Variants in RGL3 observed in about 807,000 individuals in gnomAD.
RGL3 encodes ral guanine nucleotide dissociation stimulator-like 3.
A neutral mutation model predicts 90.6 loss-of-function variants in RGL3; 85 were observed. The ratio of observed to expected loss-of-function variants is 0.94; its 90% CI spans 0.79 to 1.12. The LOEUF is 1.12. Ranked by LOEUF, RGL3 falls within the 50% of genes most tolerant of loss-of-function variation. The probability of loss-of-function intolerance (pLI) is 0.00; values close to 1 mark genes in which losing one functional copy is unlikely to be tolerated. For missense variants in RGL3, 1,034 were observed against 939.2 expected (o/e 1.10, Z -1.32); for synonymous variants, 408 against 385.5 (o/e 1.06, Z -0.68).
chr19:11,403,734 A>G (rs1453465241), intron 9 of RGL3, among the ~76,000 whole-genome samples: 1 of 151,300 alleles, frequency 6.6e-6, no homozygotes, highest in Non-Finnish European at 1.5e-5. Flanking sequence ...GATAAACAGC[A>G]GGGAGCAGGC....
intron 5 of RGL3, among the ~76,000 whole-genome samples, chr19:11,414,523 A>ACC (rs1968958306): frequency 2.5e-5 from 3 of 119,422 alleles, no homozygotes; most frequent in East Asian, 4.9e-4. Flanking sequence ...ATATATATAT[A>ACC]TATATACCTT....
Position 11,416,168 on chromosome 19 carries a change from C to G in RGL3, c.426-20G>C. On this transcript the variant is annotated intron_variant, in intron 4 of 18. Coordinates refer to ENST00000380456, the MANE Select transcript of RGL3 (RefSeq NM_001035223.4). ...ACAGCCCTGGCCAGAGAGGCAGGGT[C>G]TCAGAGCTGGGTCCAGAGTGGGGGA... 6.7e-7 allele frequency: 1 copy of G among 1,495,776 alleles called. No individual in the cohort carries two copies. The highest frequency in any genetic ancestry group is 8.9e-7 in the Non-Finnish European group (1 of 1,119,988). The allele number at this position is 1,495,776 out of a possible 1,614,324, so 92.7% of individuals were successfully genotyped here.
chr19:11,402,522 A>G lies in RGL3; in HGVS notation c.1262T>C (p.Val421Ala), dbSNP rs559094730. 368 of 1,605,652 alleles carry G rather than the reference A, an allele frequency of 2.3e-4. 4 individuals carry two copies. The South Asian group carries it at 3.9e-3, about 17-fold the overall frequency. ...CGTAAGGAAGGTGCCAAGGTAGGGGACAGGGCCTGGGGGTGGTTTCTGCAG... is the reference window on the plus strand; with the variant it reads ...CGTAAGGAAGGTGCCAAGGTAGGGGGCAGGGCCTGGGGGTGGTTTCTGCAG... ...SLPSKPPPGPVPYLGTFLTDL... is the reference protein window; with the variant it reads ...SLPSKPPPGPAPYLGTFLTDL... Residue 421 changes from valine (V) to alanine (A), a missense_variant, in exon 11 of 19, where the codon GTC becomes GCC. Physicochemically the swap from Val to Ala is moderately conservative, Grantham distance 64 (BLOSUM62 0). Coordinates refer to ENST00000380456, the MANE Select transcript of RGL3 (RefSeq NM_001035223.4).
intron 18 of RGL3, among the ~76,000 whole-genome samples, chr19:11,396,001 C>T (rs772130575): frequency 3.4e-5 from 5 of 147,894 alleles, no homozygotes; most frequent in African/African-American, 7.5e-5. Context: ...GATCTCAGCT[C>T]GCTGCAGCCT....
chr19:11,415,506 G>A (rs77279095), intron 5 of RGL3, among the ~76,000 whole-genome samples: 6,274 of 151,824 alleles, frequency 0.041, 144 homozygotes, highest in African/African-American at 0.044. Context: ...ACGGAGTTTC[G>A]CTCTGGTTGT....
chr19:11,399,946 G>T lies in RGL3; in HGVS notation c.1655C>A (p.Ser552Tyr). Reference sequence around the variant, plus strand: ...AGGACTTGAGGGGGGTGACCCTGGGGACACACTGGGGGAGATGCAGAGGCT... The same window carrying T: ...AGGACTTGAGGGGGGTGACCCTGGGTACACACTGGGGGAGATGCAGAGGCT... Reference protein sequence around the residue: ...GDPSSPTSSVSPGSPPSSPRS... With the variant: ...GDPSSPTSSVYPGSPPSSPRS... The change falls in exon 16 of 19, where the codon TCC (serine) becomes TAC (tyrosine). Residue 552 changes from serine to tyrosine, a missense_variant. Transcript: ENST00000380456. 1 of 1,553,130 alleles carries T rather than the reference G, an allele frequency of 6.4e-7. No individual in the cohort carries two copies. Among genetic ancestry groups the T allele is most frequent in the Non-Finnish European group, 8.6e-7 (1 of 1,156,496 alleles).
chr19:11,406,387 C>A (rs555306828), intron 7 of RGL3, 32 bp downstream of exon 7: 1 of 1,516,182 alleles, frequency 6.6e-7, no homozygotes. Flanking sequence ...CAGGGCCCGC[C>A]CCCGCATCCC....
chr19:11,399,903 A>T lies in RGL3; in HGVS notation c.1698T>A (p.Pro566=). The T allele has an allele frequency of 6.6e-7, 1 of 1,526,148 alleles. No homozygotes were observed. Among genetic ancestry groups the T allele is most frequent in the South Asian group, 1.3e-5 (1 of 77,998 alleles). 94.5% of individuals were successfully genotyped at this position (1,526,148 alleles called of 1,614,324 possible). The change falls in exon 16 of 19, where the codon CCT becomes CCA. Residue 566 remains proline (P), a synonymous_variant. Coordinates refer to ENST00000380456, the MANE Select transcript of RGL3 (RefSeq NM_001035223.4). ...CTGGAGAGGCCGGGGGACTGCCAGC[A>T]GGAGCATCTCTGCTTCTAGGACTTG... ...PPSSPRSRDA[P]AGSPPASPGP...
At chr19:11,414,474 TA>T (rs1275703780) in intron 5 of RGL3, among the ~76,000 whole-genome samples, 1 of 99,460 alleles carries the variant, frequency 1.0e-5, no homozygotes, top group Non-Finnish European at 1.8e-5. Flanking sequence ...CATATATATA[TA>T]TATATATACA....
chr19:11,418,954 G>C, intron 1 of RGL3, 170 bp from the exon 2 acceptor site: 1 of 629,848 alleles, frequency 1.6e-6, no homozygotes, highest in South Asian at 2.0e-5. Context: ...TCCTCGCTGC[G>C]GGTCCCCTCC....
At chr19:11,401,446 A>C (rs899397754) in intron 13 of RGL3, among the ~76,000 whole-genome samples, 2 of 142,676 alleles carry the variant, frequency 1.4e-5, no homozygotes, top group Non-Finnish European at 3.0e-5. Context: ...CCCAGGCTGG[A>C]GTGCAGTGGC....
chr19:11,406,622 T>G lies in RGL3; in HGVS notation c.793A>C (p.Lys265Gln). Residue 265 changes from lysine to glutamine, a missense_variant, in exon 7 of 19, where the codon AAG (lysine) becomes CAG (glutamine). Coordinates refer to ENST00000380456, the MANE Select transcript of RGL3 (RefSeq NM_001035223.4). ...CCCAAGCACTCGTAGAGCCTCACCT[T>G]GGAGAAGAGCTCCTGGGCCAGGGGA... The part of the protein sequence containing the change: ...LTLIDLELFS[K>Q]VRLYECLGSV... 6.4e-7 allele frequency: 1 copy of G among 1,559,444 alleles called. No individual in the cohort carries two copies. Among genetic ancestry groups the G allele is most frequent in the Non-Finnish European group, 8.7e-7 (1 of 1,151,562 alleles).
Position 11,405,243 on chromosome 19 carries a change from G to C in RGL3, c.1101-12C>G, listed in dbSNP as rs781743355. 33 of 1,613,886 alleles carry C rather than the reference G, an allele frequency of 2.0e-5. No individual in the cohort carries two copies. Among genetic ancestry groups the C allele is most frequent in the Middle Eastern group, 3.3e-4 (2 of 6,062 alleles). ...TAGATAGCGGTTCCCTGGAAGGACAGGAGAAGGGTGGTCAGGGGTCAGTGG... is the reference window on the plus strand; with the variant it reads ...TAGATAGCGGTTCCCTGGAAGGACACGAGAAGGGTGGTCAGGGGTCAGTGG... On this transcript the variant is annotated splice_polypyrimidine_tract_variant and intron_variant, in intron 8 of 18. Coordinates refer to ENST00000380456, the MANE Select transcript of RGL3 (RefSeq NM_001035223.4).
chr19:11,410,964 T>C (rs1968864183), intron 5 of RGL3, among the ~76,000 whole-genome samples: 1 of 151,998 alleles, frequency 6.6e-6, no homozygotes, highest in African/African-American at 2.4e-5. Flanking sequence ...ATCCCGACAC[T>C]TCGGGAGGCC....
intron 9 of RGL3, among the ~76,000 whole-genome samples, chr19:11,404,046 C>G (rs1968726777): frequency 6.6e-6 from 1 of 152,120 alleles, no homozygotes; most frequent in African/African-American, 2.4e-5. Context: ...AAACGCCCAG[C>G]TAATTGTTGT....
chr19:11,410,147 T>A (rs866267107), intron 5 of RGL3, among the ~76,000 whole-genome samples: 1 of 149,654 alleles, frequency 6.7e-6, no homozygotes, highest in Non-Finnish European at 1.5e-5. Context: ...TTATTTATTT[T>A]TTATTTTATT....
intron 7 of RGL3, 31 bp from the exon 8 acceptor site, chr19:11,405,457 C>T: frequency 2.2e-6 from 3 of 1,345,792 alleles, no homozygotes; most frequent in Non-Finnish European, 3.1e-6. Flanking sequence ...AGGTCAGACC[C>T]AGGCATTATC....
At chr19:11,397,403 G>A in intron 17 of RGL3, 42 bp downstream of exon 17, 2 of 1,588,560 alleles carry the variant, frequency 1.3e-6, no homozygotes, top group Non-Finnish European at 1.7e-6. Flanking sequence ...CCGGCCCCAA[G>A]GGCAGGGCAG....
chr19:11,418,658 AC>A lies in RGL3; in HGVS notation c.147+12del, dbSNP rs1969047050. The A allele has an allele frequency of 6.5e-7, 1 of 1,527,956 alleles. No individual in the cohort carries two copies. The highest frequency in any genetic ancestry group is 8.8e-7 in the Non-Finnish European group (1 of 1,141,278). The allele number at this position is 1,527,956 out of a possible 1,614,324, so 94.6% of individuals were successfully genotyped here. On this transcript the variant is annotated intron_variant, in intron 2 of 18. Transcript: ENST00000380456. ...CTTCCGGCCCCGCGCCACCCACCAA[AC>A]CCCCTCCTCACCTGGCTGCCCCCGG...
Sources: gnomAD v4.1 joint callset for allele counts (sites outside exome capture counted in the v4.1 genomes callset) on GRCh38, gnomAD v4.1.1 for gene constraint, MANE v1.5 for transcripts, NCBI Gene and HGNC (gene_info 2026-07-23, HGNC 2026-07-21) for gene names.